Variants in DNAAF1 observed in about 807,000 individuals in gnomAD.
The protein encoded by DNAAF1 is dynein axonemal assembly factor 1.
A neutral mutation model predicts 71.1 loss-of-function variants in DNAAF1; 65 were observed. The observed-to-expected ratio is 0.91, with a 90% CI of 0.75 to 1.12. The LOEUF (loss-of-function observed/expected upper bound fraction) is 1.12, where lower values mean the gene tolerates loss of function less well. Ranked by LOEUF, DNAAF1 falls within the 50% of genes most tolerant of loss-of-function variation. The pLI is 0.00. For missense variants in DNAAF1, 1,178 were observed against 899.8 expected, an observed-to-expected ratio of 1.31 and a Z score of -3.96; for synonymous variants, 414 against 354.6, an observed-to-expected ratio of 1.17 and a Z score of -1.88.
At chr16:84,152,107 C>T (rs2151214601) in intron 3 of DNAAF1, among the ~76,000 whole-genome samples, 1 of 152,290 alleles carries the variant, frequency 6.6e-6, no homozygotes, top group East Asian at 1.9e-4. Flanking sequence ...AGAGGACTGA[C>T]CGTAGCGTGT....
chr16:84,172,008 G>C (rs1280794515), intron 8 of DNAAF1, among the ~76,000 whole-genome samples: 1 of 151,788 alleles, frequency 6.6e-6, no homozygotes, highest in African/African-American at 2.4e-5. Flanking sequence ...CTCCCAAGTA[G>C]CTGAGACTAC....
At chr16:84,163,609 G>C (rs529433177) in intron 6 of DNAAF1, among the ~76,000 whole-genome samples, 2 of 152,074 alleles carry the variant, frequency 1.3e-5, no homozygotes, top group South Asian at 4.2e-4. Flanking sequence ...TCAATCTCTT[G>C]ACCTCATGAT....
rs4150186 is a variant in DNAAF1, at chr16:84,177,908, T to C, written c.*67T>C. On this transcript the variant is annotated 3_prime_UTR_variant, in exon 12 of 12. Transcript: ENST00000378553. ...TGTCTCCCTTAGGCATGATAAACAT[T>C]TTAACACCCACGCGAGTCAGTGTAT... 1,687 of 1,331,770 alleles carry C rather than the reference T, an allele frequency of 1.3e-3. 23 individuals are homozygous for C. In the African/African-American group the frequency reaches 0.021, roughly 17 times the overall value. The allele number at this position is 1,331,770 out of a possible 1,614,324, so 82.5% of individuals were successfully genotyped here.
chr16:84,175,862 G>A, intron 10 of DNAAF1, 71 bp from the exon 11 acceptor site: 4 of 1,562,118 alleles, frequency 2.6e-6, no homozygotes, highest in Non-Finnish European at 3.5e-6. Context: ...AAGCAGAACT[G>A]GCATGGTGCA....
chr16:84,155,162 C>G (rs536027868), intron 4 of DNAAF1, among the ~76,000 whole-genome samples: 15 of 152,186 alleles, frequency 9.9e-5, no homozygotes, highest in African/African-American at 3.6e-4. Flanking sequence ...CCCGCCTTGG[C>G]CTCCCAAAGT....
chr16:84,172,859 G>A (rs1597485532), intron 9 of DNAAF1: 17 of 1,029,586 alleles, frequency 1.7e-5, no homozygotes, highest in Non-Finnish European at 1.9e-5. Context: ...GAGGTGTGAC[G>A]GTTCAGTGTC....
At chr16:84,146,323 T>C (rs563256591) in intron 1 of DNAAF1, among the ~76,000 whole-genome samples, 1 of 152,350 alleles carries the variant, frequency 6.6e-6, no homozygotes, top group East Asian at 1.9e-4. Flanking sequence ...ATTTGGAGTC[T>C]AGTCCAGTGC....
chr16:84,171,736 C>T (rs867293820), intron 8 of DNAAF1, among the ~76,000 whole-genome samples: 15 of 152,126 alleles, frequency 9.9e-5, no homozygotes, highest in Non-Finnish European at 1.5e-4. Flanking sequence ...GACTCCTGGC[C>T]GGTGCTCTTC....
At chr16:84,151,003 G>C (rs1490716756) in intron 3 of DNAAF1, among the ~76,000 whole-genome samples, 2 of 152,146 alleles carry the variant, frequency 1.3e-5, no homozygotes, top group African/African-American at 4.8e-5. Flanking sequence ...CTTGATGTTG[G>C]AAACAAATGA....
At chr16:84,150,442 T>C in intron 3 of DNAAF1, 100 bp downstream of exon 3, 2 of 891,298 alleles carry the variant, frequency 2.2e-6, no homozygotes, top group South Asian at 1.4e-5. Flanking sequence ...TCTCAGAATG[T>C]ATCTAAGCAG....
intron 6 of DNAAF1, among the ~76,000 whole-genome samples, chr16:84,164,837 G>T (rs189601595): frequency 1.8e-4 from 27 of 152,158 alleles, no homozygotes; most frequent in Admixed American, 8.5e-4. Context: ...GTAAGAATCC[G>T]CCACACCATT....
intron 9 of DNAAF1, chr16:84,173,884 T>C (rs1209642044): frequency 1.3e-5 from 2 of 152,550 alleles, no homozygotes; most frequent in Non-Finnish European, 2.9e-5. Flanking sequence ...AGGGACATAA[T>C]TGGGCAATTT....
intron 11 of DNAAF1, chr16:84,176,611 C>T (rs964601962): frequency 5.1e-5 from 23 of 454,724 alleles, no homozygotes; most frequent in African/African-American, 2.6e-4. Flanking sequence ...GCCTAATGAC[C>T]GTGCATTTCC....
intron 8 of DNAAF1, among the ~76,000 whole-genome samples, chr16:84,170,567 T>C (rs2088277712): frequency 6.6e-6 from 1 of 152,174 alleles, no homozygotes. Context: ...CTAATAGCTC[T>C]ATTTAAAAAA....
rs1293761604 is a variant in DNAAF1, at chr16:84,177,109, G to T, written c.2066-620G>T. The T allele has an allele frequency of 2.8e-5, 5 of 176,356 alleles. No individual in the cohort carries two copies. In the East Asian group the frequency reaches 5.8e-4, roughly 20 times the overall value. The allele number at this position is 176,356 out of a possible 1,614,324, so 10.9% of individuals were successfully genotyped here. A position where few individuals can be genotyped will look rare whatever the true frequency, so the allele number is the denominator to read the frequency against. ...GCTTTTTCCTGAAGACAGCTGCCTG[G>T]CTGACTCCAGACTTGCAGGCAGGAA... On this transcript the variant is annotated intron_variant, in intron 11 of 11. Coordinates refer to ENST00000378553, the MANE Select transcript of DNAAF1 (RefSeq NM_178452.6).
rs773732348 is a variant in DNAAF1, at chr16:84,155,584, C to G, written c.576C>G (p.Ser192=). ...ACTTCTGCTGACCTTACCTTCCAGCCTGCCTCCCAGTCCTGAACACATTGC... is the reference window on the plus strand; with the variant it reads ...ACTTCTGCTGACCTTACCTTCCAGCGTGCCTCCCAGTCCTGAACACATTGC... ...NNYIKTIENL[S]CLPVLNTLQM... The change falls in exon 5 of 12, where the codon TCC becomes TCG. Residue 192 remains serine (S), a splice_region_variant and synonymous_variant. Coordinates refer to ENST00000378553, the MANE Select transcript of DNAAF1 (RefSeq NM_178452.6). 1.9e-6 allele frequency: 3 copies of G among 1,614,116 alleles called. No individual in the cohort carries two copies. Among genetic ancestry groups the G allele is most frequent in the East Asian group, 2.2e-5 (1 of 44,868 alleles).
intron 6 of DNAAF1, among the ~76,000 whole-genome samples, chr16:84,163,140 G>A (rs1173910314): frequency 6.6e-6 from 1 of 152,178 alleles, no homozygotes; most frequent in Non-Finnish European, 1.5e-5. Flanking sequence ...CTTTTTGCCT[G>A]TTGTGAATAA....
At position 84,176,297 on chromosome 16, in the gene DNAAF1, C is replaced by T. The variant is rs149659582; in HGVS notation, c.2063C>T (p.Pro688Leu). 87 of 1,613,252 alleles carry T rather than the reference C, an allele frequency of 5.4e-5. No individual in the cohort carries two copies. The East Asian group carries it at 1.4e-3, about 25-fold the overall frequency. The change falls in exon 11 of 12, where the codon CCG becomes CTG. Residue 688 changes from proline to leucine, a missense_variant and splice_region_variant. Pro to Leu is a moderately conservative substitution (Grantham distance 98). Transcript: ENST00000378553. ...RDSDFLAASS[P>L]VPTESAATPP... ...AGCGACTTCCTTGCAGCCTCTTCTC[C>T]GGGTAAGAGCGTGGGGCCGAGAGCA...
Position 84,149,023 on chromosome 16 carries a change from G to C in DNAAF1, c.141G>C (p.Lys47Asn), listed in dbSNP as rs186287554. The C allele has an allele frequency of 6.1e-5, 98 of 1,614,014 alleles. No individual in the cohort carries two copies. The Admixed American group carries it at 1.6e-3, about 27-fold the overall frequency. Reference sequence around the variant, plus strand: ...ATTTTACAGAAATTAATGATCCTAAGGAAATATGTGTGGGTTCTTCTGACA... The same window carrying C: ...ATTTTACAGAAATTAATGATCCTAACGAAATATGTGTGGGTTCTTCTGACA... ...GGCKEEINDP[K>N]EICVGSSDTS... The change falls in exon 2 of 12, where the codon AAG becomes AAC. Residue 47 changes from lysine (K) to asparagine (N), a missense_variant. By Grantham distance (94) the Lys-to-Asn change is moderately conservative. Transcript: ENST00000378553.
Sources: allele counts gnomAD v4.1 joint callset (sites outside exome capture counted in the v4.1 genomes callset), GRCh38; gene constraint gnomAD v4.1.1; transcripts MANE v1.5; gene names NCBI Gene and HGNC (gene_info 2026-07-23, HGNC 2026-07-21).